The following GABRG3 variants were observed in gnomAD, a reference collection of about 807,000 sequenced individuals.
GABRG3 encodes the protein gamma-aminobutyric acid type A receptor subunit gamma3.
Under a neutral mutation model 48.8 loss-of-function variants are expected in GABRG3, and 25 were observed. That is an observed-to-expected ratio of 0.51 (90% confidence interval 0.37 to 0.72). The LOEUF (loss-of-function observed/expected upper bound fraction) is 0.72. GABRG3 is among the 30% of genes least tolerant of loss of function. The probability of loss-of-function intolerance (pLI) is 0.00; values close to 1 mark genes in which losing one functional copy is unlikely to be tolerated. For synonymous variants in GABRG3, 227 were observed against 217.6 expected (o/e 1.04, Z -0.38); for missense variants, 394 against 577.9 (o/e 0.68, Z 3.26).
At chr15:27,233,381 G>T (rs1356478731) in intron 3 of GABRG3, among the ~76,000 whole-genome samples, 1 of 152,166 alleles carries the variant, frequency 6.6e-6, no homozygotes, top group Non-Finnish European at 1.5e-5. Context: ...GAGTGGAAGA[G>T]AATTCAGGAT....
chr15:27,129,999 T>C (rs1897888573), intron 3 of GABRG3, among the ~76,000 whole-genome samples: 1 of 152,168 alleles, frequency 6.6e-6, no homozygotes, highest in Non-Finnish European at 1.5e-5. Flanking sequence ...TCTCACATGC[T>C]ATATGTTGTC....
At chr15:27,231,618 G>T (rs1889803558) in intron 3 of GABRG3, among the ~76,000 whole-genome samples, 1 of 152,230 alleles carries the variant, frequency 6.6e-6, no homozygotes, top group South Asian at 2.1e-4. Flanking sequence ...GTCTTTTGGA[G>T]ATGAAAGGCA....
intron 3 of GABRG3, among the ~76,000 whole-genome samples, chr15:27,162,624 G>T (rs741121): frequency 0.54 from 81,599 of 151,760 alleles, 22,479 homozygotes; most frequent in African/African-American, 0.65. Context: ...CCTAGGGTTT[G>T]CTAGAATTGG....
chr15:27,198,133 G>A (rs1009981964), intron 3 of GABRG3, among the ~76,000 whole-genome samples: 6 of 152,132 alleles, frequency 3.9e-5, no homozygotes, highest in African/African-American at 1.4e-4. Context: ...GACAACAAAA[G>A]CCAAAATTGA....
At chr15:27,393,344 C>CAAAAA (rs34689012) in intron 5 of GABRG3, among the ~76,000 whole-genome samples, 18 of 112,764 alleles carry the variant, frequency 1.6e-4, no homozygotes, top group African/African-American at 2.4e-4. Flanking sequence ...ACTCCGTCTC[C>CAAAAA]AAAAAAAAAA....
In GABRG3 at chr15:27,354,744, G is replaced by T. The variant is rs546076040; in HGVS notation, c.574+25856G>T. ...TGTTATGTGAGTGGATATCTCACATGCATTTAAAGTATGATTCAATTCCCA... is the reference window on the plus strand; with the variant it reads ...TGTTATGTGAGTGGATATCTCACATTCATTTAAAGTATGATTCAATTCCCA... On this transcript the variant is annotated intron_variant, in intron 5 of 9. Coordinates refer to ENST00000615808, the MANE Select transcript of GABRG3 (RefSeq NM_033223.5). Among the ~76,000 whole-genome samples, 4 of 152,312 alleles carry T rather than the reference G, an allele frequency of 2.6e-5. No individual in the cohort carries two copies. In the South Asian group the frequency reaches 8.3e-4, roughly 32 times the overall value.
intron 5 of GABRG3, among the ~76,000 whole-genome samples, chr15:27,444,873 A>G (rs918557536): frequency 6.6e-6 from 1 of 152,050 alleles, no homozygotes; most frequent in South Asian, 2.1e-4. Context: ...ATTGTTAAGA[A>G]CATTCATGTT....
chr15:27,237,348 T>C (rs1890005249), intron 3 of GABRG3, among the ~76,000 whole-genome samples: 1 of 152,036 alleles, frequency 6.6e-6, no homozygotes, highest in African/African-American at 2.4e-5. Context: ...TGTTCTGGAG[T>C]CATGCAAACT....
intron 3 of GABRG3, among the ~76,000 whole-genome samples, chr15:27,224,657 C>T (rs1388543274): frequency 6.6e-6 from 1 of 152,208 alleles, no homozygotes; most frequent in Admixed American, 6.5e-5. Flanking sequence ...TTGCCACAGT[C>T]ACGACTTATG....
intron 6 of GABRG3, among the ~76,000 whole-genome samples, chr15:27,482,337 A>G (rs1346038259): frequency 3.3e-5 from 5 of 152,242 alleles, no homozygotes; most frequent in African/African-American, 4.8e-5. Flanking sequence ...GTAGCCCACA[A>G]GCATGAGAAG....
At chr15:27,095,112 C>T (rs1402206568) in intron 3 of GABRG3, among the ~76,000 whole-genome samples, 1 of 152,190 alleles carries the variant, frequency 6.6e-6, no homozygotes, top group Non-Finnish European at 1.5e-5. Flanking sequence ...ACCGATGTCT[C>T]CCATTGTCAG....
intron 3 of GABRG3, among the ~76,000 whole-genome samples, chr15:27,036,410 C>T (rs1272514624): frequency 1.1e-4 from 16 of 152,080 alleles, no homozygotes; most frequent in Admixed American, 8.5e-4. Flanking sequence ...TTTCAGATGC[C>T]GGCCGGGCGC....
At chr15:27,019,193 C>T (rs567230536) in intron 2 of GABRG3, among the ~76,000 whole-genome samples, 70 of 151,188 alleles carry the variant, frequency 4.6e-4, no homozygotes, top group Non-Finnish European at 6.3e-4. Context: ...CTCAGCCTCC[C>T]GAGCAGCTGG....
intron 5 of GABRG3, among the ~76,000 whole-genome samples, chr15:27,453,921 T>A (rs951249546): frequency 3.9e-5 from 6 of 152,132 alleles, no homozygotes; most frequent in African/African-American, 1.4e-4. Context: ...AGCCCTTCTC[T>A]CCATTCCCTT....
At chr15:27,232,045 AG>A (rs1889816027) in intron 3 of GABRG3, among the ~76,000 whole-genome samples, 1 of 152,242 alleles carries the variant, frequency 6.6e-6, no homozygotes, top group African/African-American at 2.4e-5. Context: ...AGACATCAAT[AG>A]GCTCTCCCAG....
At chr15:27,137,156 A>G (rs1471943205) in intron 3 of GABRG3, among the ~76,000 whole-genome samples, 8 of 152,314 alleles carry the variant, frequency 5.3e-5, no homozygotes, top group African/African-American at 1.7e-4. Context: ...GCAGTTATCA[A>G]TACCCCAGGA....
intron 3 of GABRG3, among the ~76,000 whole-genome samples, chr15:27,256,691 A>G (rs1021354649): frequency 6.6e-6 from 1 of 152,148 alleles, no homozygotes; most frequent in Non-Finnish European, 1.5e-5. Context: ...GTTAGTTTTA[A>G]AAACCACATG....
intron 3 of GABRG3, among the ~76,000 whole-genome samples, chr15:27,291,167 T>C (rs188163551): frequency 6.6e-6 from 1 of 152,338 alleles, no homozygotes; most frequent in East Asian, 1.9e-4. Context: ...GTGAATTCTT[T>C]GCCAAGTTGC....
At chr15:27,177,828 C>T (rs1159073627) in intron 3 of GABRG3, among the ~76,000 whole-genome samples, 1 of 152,110 alleles carries the variant, frequency 6.6e-6, no homozygotes, top group East Asian at 1.9e-4. Flanking sequence ...GAAAAGAAGC[C>T]TCAGAATAGA....
Sources: gnomAD v4.1 joint callset for allele counts (sites outside exome capture counted in the v4.1 genomes callset) on GRCh38, gnomAD v4.1.1 for gene constraint, MANE v1.5 for transcripts, NCBI Gene and HGNC (gene_info 2026-07-23, HGNC 2026-07-21) for gene names.